The following DCP2 variants were observed in gnomAD, a reference collection of about 807,000 sequenced individuals.
The protein encoded by DCP2 is m7GpppN-mRNA hydrolase.
Under a neutral mutation model 56.1 loss-of-function variants are expected in DCP2, and 30 were observed. The ratio of observed to expected loss-of-function variants is 0.53; its 90% confidence interval spans 0.40 to 0.73. The LOEUF (loss-of-function observed/expected upper bound fraction) is 0.73, where lower values mean the gene tolerates loss of function less well. Among genes scored for constraint, DCP2 ranks in the 30% least tolerant of loss-of-function variants. DCP2 has a pLI of 0.00. For synonymous variants in DCP2, 197 were observed against 163.3 expected, an observed-to-expected ratio of 1.21 and a Z score of -1.57; for missense variants, 533 against 502.7, an observed-to-expected ratio of 1.06 and a Z score of -0.58.
intron 1 of DCP2, among the ~76,000 whole-genome samples, chr5:112,985,163 G>A (rs1254787435): frequency 1.3e-5 from 2 of 152,008 alleles, no homozygotes; most frequent in African/African-American, 4.8e-5. Context: ...TTAGATTGAT[G>A]AATTTTAACT....
intron 8 of DCP2, among the ~76,000 whole-genome samples, chr5:113,007,062 T>C (rs939076966): frequency 2.0e-5 from 3 of 152,094 alleles, no homozygotes; most frequent in Admixed American, 1.3e-4. Context: ...CGCTTGAACT[T>C]GGGAGGTGGA....
rs1467146317 is a variant in DCP2, at chr5:113,013,324, C to T, written c.1103C>T (p.Ala368Val). ...RKLQDNFETD[A>V]VYDLPSSSED... ...ATTTTGTTTTTTCTTTAAACAGATGCTGTATATGACTTGCCTAGCTCCAGT... is the reference window on the plus strand; with the variant it reads ...ATTTTGTTTTTTCTTTAAACAGATGTTGTATATGACTTGCCTAGCTCCAGT... Residue 368 changes from alanine to valine, a missense_variant, in exon 11 of 11, where the codon GCT (alanine) becomes GTT (valine). Coordinates refer to ENST00000389063, the MANE Select transcript of DCP2 (RefSeq NM_152624.6). 3 of 1,608,356 alleles carry T rather than the reference C, an allele frequency of 1.9e-6. No individual in the cohort carries two copies. Among genetic ancestry groups the T allele is most frequent in the Non-Finnish European group, 1.7e-6 (2 of 1,177,156 alleles).
At chr5:112,998,443 A>C (rs1748964597) in intron 4 of DCP2, among the ~76,000 whole-genome samples, 1 of 152,054 alleles carries the variant, frequency 6.6e-6, no homozygotes, top group African/African-American at 2.4e-5. Flanking sequence ...TGAGTTGGGC[A>C]CTCTCCTCCT....
Position 112,976,865 on chromosome 5 carries a change from C to G in DCP2, c.-69C>G, listed in dbSNP as rs767818212. ...GCCAGCTCTCCGGCGAGCCGGAGTC[C>G]TAGTGCCGTACCGTCAGTCCCCGGC... On this transcript the variant is annotated 5_prime_UTR_variant, in exon 1 of 11. Transcript: ENST00000389063. The G allele has an allele frequency of 1.3e-6, 2 of 1,534,990 alleles. No individual in the cohort carries two copies. Among genetic ancestry groups the G allele is most frequent in the Non-Finnish European group, 1.8e-6 (2 of 1,108,022 alleles).
chr5:112,988,368 T>G (rs946630665), intron 2 of DCP2, among the ~76,000 whole-genome samples: 35 of 150,524 alleles, frequency 2.3e-4, no homozygotes, highest in African/African-American at 8.3e-4. Context: ...GGCGGGCGCT[T>G]GTAGTCCCAG....
chr5:112,984,929 C>A (rs1031509561), intron 1 of DCP2, among the ~76,000 whole-genome samples: 3 of 151,208 alleles, frequency 2.0e-5, no homozygotes, highest in African/African-American at 7.3e-5. Context: ...TATTCTTATG[C>A]TTATTTGAAA....
At chr5:112,995,426 G>A (rs1363587656) in intron 4 of DCP2, among the ~76,000 whole-genome samples, 1 of 152,186 alleles carries the variant, frequency 6.6e-6, no homozygotes, top group Non-Finnish European at 1.5e-5. Context: ...CTGCTTAGAG[G>A]AATTGATTGT....
chr5:113,002,045 A>T (rs1173913300), intron 7 of DCP2, among the ~76,000 whole-genome samples: 1 of 152,138 alleles, frequency 6.6e-6, no homozygotes, highest in Non-Finnish European at 1.5e-5. Context: ...GGATATGTTG[A>T]GGTTTGTTTT....
At chr5:112,996,667 G>A (rs954255699) in intron 4 of DCP2, among the ~76,000 whole-genome samples, 1 of 152,206 alleles carries the variant, frequency 6.6e-6, no homozygotes, top group Admixed American at 6.5e-5. Flanking sequence ...GAAGGTGTAA[G>A]TAATTATCAA....
chr5:113,011,833 A>G (rs552293328), intron 10 of DCP2, among the ~76,000 whole-genome samples: 127 of 152,290 alleles, frequency 8.3e-4, no homozygotes, highest in African/African-American at 2.9e-3. Flanking sequence ...TAGGAATGCT[A>G]CAGTTTCGGG....
In DCP2 at chr5:113,018,152, C is replaced by CA. The variant is rs1342384354; in HGVS notation, c.*4671dup. On this transcript the variant is annotated 3_prime_UTR_variant, in exon 11 of 11. Coordinates refer to ENST00000389063, the MANE Select transcript of DCP2 (RefSeq NM_152624.6). Reference sequence around the variant, plus strand: ...TCCTTTCCATCTAACTTCCTTGTGACAAATAGCATTTACTATTGAAATAGT... The same window carrying CA: ...TCCTTTCCATCTAACTTCCTTGTGACAAAATAGCATTTACTATTGAAATAGT... The CA allele has an allele frequency of 1.3e-5, 2 of 152,138 alleles. No homozygotes were observed. Among genetic ancestry groups the CA allele is most frequent in the African/African-American group, 4.8e-5 (2 of 41,416 alleles). 9.4% of individuals were successfully genotyped at this position (152,138 alleles called of 1,614,324 possible).
chr5:112,995,218 G>C (rs1748794132), intron 4 of DCP2, among the ~76,000 whole-genome samples: 1 of 152,136 alleles, frequency 6.6e-6, no homozygotes, highest in Non-Finnish European at 1.5e-5. Flanking sequence ...AGTAAATGAA[G>C]GTTAATACAC....
intron 8 of DCP2, among the ~76,000 whole-genome samples, chr5:113,006,645 C>T (rs1749450861): frequency 6.6e-6 from 1 of 151,498 alleles, no homozygotes; most frequent in African/African-American, 2.4e-5. Flanking sequence ...TTAGAAGTTC[C>T]TCCTATTTAT....
chr5:112,988,169 T>C (rs1237191163), intron 2 of DCP2, among the ~76,000 whole-genome samples: 2 of 151,966 alleles, frequency 1.3e-5, no homozygotes, highest in African/African-American at 4.8e-5. Context: ...CGGTAAAGAA[T>C]ATTACTCTGA....
rs1750024903 is a variant in DCP2, at chr5:113,019,624, C to T, written c.*6140C>T. The stretch of plus-strand genomic sequence containing the variant: ...ATTTTACAAATATTAGAAACTTTTT[C>T]TTCAGTAACAAAAACAGGGAAGGAC... On this transcript the variant is annotated 3_prime_UTR_variant, in exon 11 of 11. Transcript: ENST00000389063. 6.6e-6 allele frequency: 1 copy of T among 152,114 alleles called. No individual in the cohort carries two copies. The highest frequency in any genetic ancestry group is 2.4e-5 in the African/African-American group (1 of 41,430). 9.4% of individuals were successfully genotyped at this position (152,114 alleles called of 1,614,324 possible).
At position 113,021,918 on chromosome 5, in the gene DCP2, A is replaced by G. The variant is rs1750163472; in HGVS notation, c.*8434A>G. ...TATGCCAAATTTTAAAAAGCCAACTAAAAATGGGCTATAAATGAGGGTTCT... is the reference window on the plus strand; with the variant it reads ...TATGCCAAATTTTAAAAAGCCAACTGAAAATGGGCTATAAATGAGGGTTCT... On this transcript the variant is annotated 3_prime_UTR_variant, in exon 11 of 11. Transcript: ENST00000389063. Among the ~76,000 whole-genome samples, 1 of 152,208 alleles carries G rather than the reference A, an allele frequency of 6.6e-6. No individual in the cohort carries two copies. The highest frequency in any genetic ancestry group is 1.5e-5 in the Non-Finnish European group (1 of 68,024).
At position 113,007,933 on chromosome 5, in the gene DCP2, A is replaced by C; in HGVS notation, c.943-5A>C. On this transcript the variant is annotated splice_polypyrimidine_tract_variant and splice_region_variant and intron_variant, in intron 8 of 10. Coordinates refer to ENST00000389063, the MANE Select transcript of DCP2 (RefSeq NM_152624.6). ...TTCATATTATATTTCTTTTTGGGAA[A>C]ACAGAATCAAAGTATGAGGGGAAAT... The C allele has an allele frequency of 6.2e-7, 1 of 1,611,714 alleles. No individual in the cohort carries two copies. Among genetic ancestry groups the C allele is most frequent in the East Asian group, 2.2e-5 (1 of 44,830 alleles).
chr5:113,011,878 AT>A (rs1749692918), intron 10 of DCP2, among the ~76,000 whole-genome samples: 1 of 152,112 alleles, frequency 6.6e-6, no homozygotes, highest in South Asian at 2.1e-4. Flanking sequence ...TTTCAAGTTC[AT>A]TTTTATGTCT....
In DCP2 at chr5:113,017,818, A is replaced by T. The variant is rs1174184985; in HGVS notation, c.*4334A>T. On this transcript the variant is annotated 3_prime_UTR_variant, in exon 11 of 11. Transcript: ENST00000389063. ...GGCCTAAGTGTAGTCATTCATATAT[A>T]TATGAATATCTATATCTATATCTAT... 1 of 152,200 alleles carries T rather than the reference A, an allele frequency of 6.6e-6. No homozygotes were observed. The highest frequency in any genetic ancestry group is 6.5e-5 in the Admixed American group (1 of 15,286). 9.4% of individuals were successfully genotyped at this position (152,200 alleles called of 1,614,324 possible).
Sources: gnomAD v4.1 joint callset for allele counts (sites outside exome capture counted in the v4.1 genomes callset) on GRCh38, gnomAD v4.1.1 for gene constraint, MANE v1.5 for transcripts, NCBI Gene and HGNC (gene_info 2026-07-23, HGNC 2026-07-21) for gene names.